OGDH: variants seen among roughly 807,000 people sequenced by gnomAD.
OGDH encodes the protein oxoglutarate dehydrogenase.
Under a neutral mutation model 116.6 loss-of-function variants are expected in OGDH, and 38 were observed. That is an observed-to-expected ratio of 0.33 (90% CI 0.25 to 0.43). The LOEUF (loss-of-function observed/expected upper bound fraction) is 0.43. OGDH is among the 20% of genes least tolerant of loss of function. The pLI is 1.00. For synonymous variants in OGDH, 488 were observed against 533.3 expected (o/e 0.92, Z 1.17); for missense variants, 825 against 1,357.2 (o/e 0.61, Z 6.16).
At chr7:44,632,252 T>G (rs1785473597) in intron 2 of OGDH, among the ~76,000 whole-genome samples, 1 of 152,074 alleles carries the variant, frequency 6.6e-6, no homozygotes, top group East Asian at 1.9e-4. Flanking sequence ...TCACTGAGGC[T>G]GGTGGGAGGA....
chr7:44,666,232 T>C (rs2116045838), intron 4 of OGDH, among the ~76,000 whole-genome samples: 1 of 152,322 alleles, frequency 6.6e-6, no homozygotes, highest in South Asian at 2.1e-4. Flanking sequence ...TGTTTCTCCT[T>C]CACTTCTTAG....
intron 10 of OGDH, among the ~76,000 whole-genome samples, chr7:44,686,946 C>T (rs1788155219): frequency 6.6e-6 from 1 of 151,736 alleles, no homozygotes; most frequent in Non-Finnish European, 1.5e-5. Flanking sequence ...CTCAGCCTCC[C>T]AAAGTGCTGG....
At chr7:44,647,323 C>T (rs1374899818) in intron 3 of OGDH, 10 of 635,140 alleles carry the variant, frequency 1.6e-5, no homozygotes, top group South Asian at 5.8e-5. Flanking sequence ...CTAATTTTGT[C>T]GTATGGGTTT....
At chr7:44,657,235 C>T (rs893711226) in intron 4 of OGDH, among the ~76,000 whole-genome samples, 1 of 152,176 alleles carries the variant, frequency 6.6e-6, no homozygotes, top group Non-Finnish European at 1.5e-5. Flanking sequence ...CCTTTTATGA[C>T]CATATCTACT....
intron 2 of OGDH, among the ~76,000 whole-genome samples, chr7:44,636,208 G>A (rs967632196): frequency 2.0e-5 from 3 of 152,240 alleles, no homozygotes; most frequent in African/African-American, 7.2e-5. Flanking sequence ...GGCACTGGGG[G>A]GCTGTAGAGC....
chr7:44,700,751 G>A lies in OGDH; in HGVS notation c.2559+482G>A, dbSNP rs544037510. ...AAGGAGGCCGGGCGAGGTGGCTCACGCCTGTAATCCCAGCACTTTGTGAGG... is the reference window on the plus strand; with the variant it reads ...AAGGAGGCCGGGCGAGGTGGCTCACACCTGTAATCCCAGCACTTTGTGAGG... On this transcript the variant is annotated intron_variant, in intron 19 of 22. Transcript: ENST00000222673. Among the ~76,000 whole-genome samples the A allele has an allele frequency of 1.9e-3, 286 of 152,266 alleles. 13 individuals are homozygous for A. The South Asian group carries it at 0.057, about 31-fold the overall frequency.
chr7:44,654,882 C>T (rs566521222), intron 4 of OGDH, among the ~76,000 whole-genome samples: 1 of 152,306 alleles, frequency 6.6e-6, no homozygotes, highest in African/African-American at 2.4e-5. Flanking sequence ...ACAGCACCTG[C>T]ACTCTTCAAG....
rs1030586994 is a variant in OGDH at position 44,676,059 on chromosome 7, C to T, written c.1116C>T (p.Ala372=). ...GGAACATTACCTTGTCCTTGGTGGC[C>T]AACCCTTCCCACCTTGAGGCCGCTG... The part of the protein sequence containing the change: ...TDRNITLSLV[A]NPSHLEAADP... Residue 372 remains alanine, a synonymous_variant, in exon 9 of 23, where the codon GCC becomes GCT. Transcript: ENST00000222673. 1.9e-6 allele frequency: 3 copies of T among 1,613,916 alleles called. No homozygotes were observed. The highest frequency in any genetic ancestry group is 1.7e-6 in the Non-Finnish European group (2 of 1,180,002).
At chr7:44,627,778 G>A (rs956742013) in intron 2 of OGDH, among the ~76,000 whole-genome samples, 1 of 152,146 alleles carries the variant, frequency 6.6e-6, no homozygotes, top group African/African-American at 2.4e-5. Context: ...CCTGGTTCAA[G>A]TGATTCTCGT....
chr7:44,612,511 G>A (rs1040715776), intron 1 of OGDH, among the ~76,000 whole-genome samples: 5 of 151,656 alleles, frequency 3.3e-5, no homozygotes, highest in African/African-American at 1.2e-4. Flanking sequence ...AGACCCCCGA[G>A]TAGGTGGGAC....
At chr7:44,692,582 AT>A (rs1209502985) in intron 10 of OGDH, among the ~76,000 whole-genome samples, 1 of 152,220 alleles carries the variant, frequency 6.6e-6, no homozygotes, top group Non-Finnish European at 1.5e-5. Context: ...GGATTTGTTC[AT>A]GTTAGGTGAA....
At chr7:44,662,781 C>T (rs374285727) in intron 4 of OGDH, among the ~76,000 whole-genome samples, 83 of 152,240 alleles carry the variant, frequency 5.5e-4, no homozygotes, top group African/African-American at 1.9e-3. Flanking sequence ...TCTTTCTACC[C>T]TCCATGGTTT....
Position 44,708,057 on chromosome 7 carries a change from T to C in OGDH, c.*58T>C. The C allele has an allele frequency of 6.3e-7, 1 of 1,579,130 alleles. No individual in the cohort carries two copies. Among genetic ancestry groups the C allele is most frequent in the Non-Finnish European group, 8.6e-7 (1 of 1,166,656 alleles). On this transcript the variant is annotated 3_prime_UTR_variant, in exon 23 of 23. Transcript: ENST00000222673. ...CTCCACACCCATGACTGCCCCTTGC[T>C]TCTCAACTAAAGAATAGTGCCTCAG...
chr7:44,674,640 G>T, intron 7 of OGDH, 83 bp downstream of exon 7: 10 of 1,493,292 alleles, frequency 6.7e-6, no homozygotes, highest in Non-Finnish European at 9.2e-6. Flanking sequence ...CACTGAGAGA[G>T]CAGCTGTTTC....
chr7:44,679,354 G>A (rs927468899), intron 9 of OGDH, among the ~76,000 whole-genome samples: 3 of 152,122 alleles, frequency 2.0e-5, no homozygotes, highest in African/African-American at 7.2e-5. Context: ...CACCTCCAAG[G>A]GGGCCCCGTA....
At chr7:44,677,027 G>A (rs940087066) in intron 9 of OGDH, among the ~76,000 whole-genome samples, 8 of 152,088 alleles carry the variant, frequency 5.3e-5, no homozygotes, top group East Asian at 1.9e-4. Flanking sequence ...GGGTTGACTC[G>A]CCTGCCTGCT....
rs200061061 is a variant in OGDH at position 44,696,535 on chromosome 7, G to A, written c.1878G>A (p.Val626=). 139 of 1,614,222 alleles carry A rather than the reference G, an allele frequency of 8.6e-5. 1 individual carries two copies. The Middle Eastern group carries it at 1.3e-3, about 15-fold the overall frequency. Residue 626 remains valine, a synonymous_variant, in exon 14 of 23, where the codon GTG becomes GTA. Transcript: ENST00000222673. ...GGAATGTGGCTAGTTCTGTGCCTGT[G>A]GAAAACTTTACTATTCATGGAGGTA... The part of the protein sequence containing the change: ...HIGNVASSVP[V]ENFTIHGGLS...
At chr7:44,620,462 T>C (rs1366948644) in intron 1 of OGDH, among the ~76,000 whole-genome samples, 1 of 152,276 alleles carries the variant, frequency 6.6e-6, no homozygotes, top group Non-Finnish European at 1.5e-5. Context: ...AAGTATCTTA[T>C]AGTTTTGTCT....
At chr7:44,612,706 A>G (rs1784612217) in intron 1 of OGDH, among the ~76,000 whole-genome samples, 1 of 146,016 alleles carries the variant, frequency 6.8e-6, no homozygotes, top group Non-Finnish European at 1.5e-5. Context: ...ATACTTATTT[A>G]TTATTTTTGA....
Sources: allele counts gnomAD v4.1 joint callset (sites outside exome capture counted in the v4.1 genomes callset), GRCh38; gene constraint gnomAD v4.1.1; transcripts MANE v1.5; gene names NCBI Gene and HGNC (gene_info 2026-07-23, HGNC 2026-07-21).